Variants in XKR9 observed in about 807,000 individuals in gnomAD.
XKR9 encodes the protein XK-related protein 9.
In XKR9, 32 loss-of-function variants were observed where a neutral mutation model predicts 32.0. The ratio of observed to expected loss-of-function variants is 1.00; its 90% CI spans 0.76 to 1.34. XKR9 has a LOEUF of 1.34. Among genes scored for constraint, XKR9 ranks in the 40% most tolerant of loss-of-function variants. The pLI is 0.00. For synonymous variants in XKR9, 168 were observed against 143.4 expected, an observed-to-expected ratio of 1.17 and a Z score of -1.22; for missense variants, 546 against 429.7, an observed-to-expected ratio of 1.27 and a Z score of -2.39.
At chr8:70,938,207 TC>T in the XKR9 span, among the ~76,000 whole-genome samples, 1 of 151,924 alleles carries the variant, frequency 6.6e-6, no homozygotes, top group African/African-American at 2.4e-5. Flanking sequence ...GAGAGGACAT[TC>T]CCAGGTGTGG....
At chr8:70,681,483 TC>T (rs768298209) in intron 3 of XKR9, among the ~76,000 whole-genome samples, 153 bp downstream of exon 3, 2 of 152,128 alleles carry the variant, frequency 1.3e-5, no homozygotes, top group Non-Finnish European at 2.9e-5. Context: ...CTAATATAAG[TC>T]ATTGCCATAC....
intron 2 of XKR9, among the ~76,000 whole-genome samples, chr8:70,756,365 A>G (rs1056227784): frequency 1.1e-4 from 16 of 152,226 alleles, no homozygotes; most frequent in African/African-American, 3.4e-4. Context: ...GCAATTTCAT[A>G]TGAATTTTAG....
At chr8:70,719,956 G>C (rs927582365) in intron 4 of XKR9, among the ~76,000 whole-genome samples, 1 of 152,058 alleles carries the variant, frequency 6.6e-6, no homozygotes, top group African/African-American at 2.4e-5. Flanking sequence ...CCATTTGTTT[G>C]TGTCCTCTTT....
intron 2 of XKR9, among the ~76,000 whole-genome samples, chr8:70,750,845 T>A (rs1338806060): frequency 2.0e-5 from 3 of 152,244 alleles, no homozygotes; most frequent in Non-Finnish European, 4.4e-5. Flanking sequence ...TGGGCCATGA[T>A]GCCCAGGTAA....
At chr8:70,762,650 A>AT (rs1460288328) in intron 2 of XKR9, among the ~76,000 whole-genome samples, 12 of 152,186 alleles carry the variant, frequency 7.9e-5, no homozygotes, top group Admixed American at 2.0e-4. Flanking sequence ...AAGTTATGGT[A>AT]TTTTTTGAAA....
At chr8:70,669,827 C>G (rs180996435) in intron 1 of XKR9, among the ~76,000 whole-genome samples, 1 of 151,656 alleles carries the variant, frequency 6.6e-6, no homozygotes, top group Non-Finnish European at 1.5e-5. Flanking sequence ...CCACCACGCC[C>G]GGCTAATTTT....
chr8:70,835,973 A>G, the XKR9 span, among the ~76,000 whole-genome samples: 14 of 152,102 alleles, frequency 9.2e-5, no homozygotes, highest in African/African-American at 3.1e-4. Context: ...TTAAATATAC[A>G]GGAAAGTTTA....
the XKR9 span, among the ~76,000 whole-genome samples, chr8:70,904,627 G>A: frequency 1.8e-4 from 27 of 152,130 alleles, no homozygotes; most frequent in Admixed American, 3.9e-4. Flanking sequence ...TACATTTAAG[G>A]GTTATATTGT....
chr8:70,720,671 C>A (rs1307792207), intron 4 of XKR9, among the ~76,000 whole-genome samples: 1 of 152,090 alleles, frequency 6.6e-6, no homozygotes, highest in African/African-American at 2.4e-5. Context: ...GGTAGATAAG[C>A]TTTTTGATGT....
At chr8:70,912,671 A>C in the XKR9 span, among the ~76,000 whole-genome samples, 7 of 152,090 alleles carry the variant, frequency 4.6e-5, 1 homozygote, top group Non-Finnish European at 7.4e-5. Flanking sequence ...AGACCGCAGA[A>C]ATTAGGGGTG....
intron 4 of XKR9, among the ~76,000 whole-genome samples, chr8:70,707,606 AG>A (rs1805765492): frequency 1.6e-5 from 2 of 122,120 alleles, no homozygotes; most frequent in Non-Finnish European, 4.1e-5. Flanking sequence ...ATGTTAATTT[AG>A]GTTGTTTCTT....
At chr8:70,750,088 T>C (rs1333879518) in intron 2 of XKR9, among the ~76,000 whole-genome samples, 4 of 152,140 alleles carry the variant, frequency 2.6e-5, no homozygotes, top group Non-Finnish European at 5.9e-5. Context: ...TTGATAAATA[T>C]TATTTCTCTT....
At chr8:70,753,972 A>G (rs1373076883) in intron 2 of XKR9, among the ~76,000 whole-genome samples, 1 of 110,842 alleles carries the variant, frequency 9.0e-6, no homozygotes, top group Non-Finnish European at 2.3e-5. Context: ...GAGGAAGTCA[A>G]ATTGTCCCGT....
the XKR9 span, among the ~76,000 whole-genome samples, chr8:70,923,166 G>A: frequency 2.6e-5 from 4 of 152,242 alleles, no homozygotes; most frequent in African/African-American, 9.6e-5. Context: ...AAGAACCAGT[G>A]TGCTTTTGAA....
chr8:70,955,358 T>C, the XKR9 span, among the ~76,000 whole-genome samples: 1 of 152,192 alleles, frequency 6.6e-6, no homozygotes, highest in Non-Finnish European at 1.5e-5. Context: ...AGGCCTATTA[T>C]ATACTGACGA....
rs1160593794 is a variant in XKR9, at chr8:70,778,929, A to AGTCAT, written n.353-10410_353-10409insGTCAT. The stretch of plus-strand genomic sequence containing the variant: ...TTTGACTTCCTTTTTTCCTAATGGA[A>AGTCAT]TACCCTTTATTTCTCTTTCTTGTCT... On this transcript the variant is annotated intron_variant and non_coding_transcript_variant, in intron 2 of 3. Transcript: ENST00000520273. Among the ~76,000 whole-genome samples, 311 of 152,284 alleles carry AGTCAT rather than the reference A, an allele frequency of 2.0e-3. 2 individuals carry two copies. Among genetic ancestry groups the AGTCAT allele is most frequent in the African/African-American group, 7.3e-3 (303 of 41,568 alleles).
intron 2 of XKR9, among the ~76,000 whole-genome samples, chr8:70,752,610 C>G (rs1807157989): frequency 6.6e-6 from 1 of 152,172 alleles, no homozygotes; most frequent in Admixed American, 6.5e-5. Flanking sequence ...CCCAACATAG[C>G]TACAATGAGG....
chr8:71,053,396 A>G, the XKR9 span, among the ~76,000 whole-genome samples: 1 of 152,254 alleles, frequency 6.6e-6, no homozygotes, highest in East Asian at 1.9e-4. Context: ...ACTGGGAAGT[A>G]TAAAACATCA....
chr8:70,763,172 G>A (rs1251017367), intron 2 of XKR9, among the ~76,000 whole-genome samples: 1 of 132,138 alleles, frequency 7.6e-6, no homozygotes, highest in Non-Finnish European at 1.8e-5. Context: ...GGATTAAGGG[G>A]TCTTTGATAG....
Sources: gnomAD v4.1 joint callset for allele counts (sites outside exome capture counted in the v4.1 genomes callset) on GRCh38, gnomAD v4.1.1 for gene constraint, MANE v1.5 for transcripts, NCBI Gene and HGNC (gene_info 2026-07-23, HGNC 2026-07-21) for gene names.